TBCK: variants seen among roughly 807,000 people sequenced by gnomAD.
The protein encoded by TBCK is TBC domain-containing protein kinase-like protein.
In TBCK, 99 loss-of-function variants were observed where a neutral mutation model predicts 113.4. That is an observed-to-expected ratio of 0.87 (90% CI 0.74 to 1.03). The LOEUF (loss-of-function observed/expected upper bound fraction) is 1.03, where lower values mean the gene tolerates loss of function less well. TBCK is among the 50% of genes least tolerant of loss of function. The probability of loss-of-function intolerance (pLI) is 0.00; values close to 1 mark genes in which losing one functional copy is unlikely to be tolerated. For synonymous variants in TBCK, 369 were observed against 370.8 expected, an observed-to-expected ratio of 1.00 and a Z score of 0.05; for missense variants, 1,045 against 1,061.3, an observed-to-expected ratio of 0.98 and a Z score of 0.21.
At chr4:106,157,035 C>A (rs1309233361) in intron 23 of TBCK, among the ~76,000 whole-genome samples, 2 of 152,158 alleles carry the variant, frequency 1.3e-5, no homozygotes, top group Non-Finnish European at 2.9e-5. Context: ...TTATTCAGGG[C>A]CCAAGGGCAC....
At chr4:106,085,490 G>A (rs1739393210) in intron 25 of TBCK, among the ~76,000 whole-genome samples, 1 of 152,124 alleles carries the variant, frequency 6.6e-6, no homozygotes. Flanking sequence ...CCTACAAAGA[G>A]ACATAGACTC....
intron 25 of TBCK, among the ~76,000 whole-genome samples, chr4:106,048,668 T>TAACA (rs1200415210): frequency 1.3e-5 from 2 of 152,116 alleles, no homozygotes; most frequent in Non-Finnish European, 2.9e-5. Flanking sequence ...AAGATAAACA[T>TAACA]AACATTACTG....
At chr4:106,156,375 C>T (rs1371145619) in intron 23 of TBCK, among the ~76,000 whole-genome samples, 1 of 152,184 alleles carries the variant, frequency 6.6e-6, no homozygotes, top group Non-Finnish European at 1.5e-5. Context: ...TAACTACTAT[C>T]ATGGCTACTG....
intron 24 of TBCK, among the ~76,000 whole-genome samples, chr4:106,113,715 G>T (rs1054075140): frequency 2.9e-4 from 44 of 152,202 alleles, no homozygotes; most frequent in Admixed American, 3.9e-4. Context: ...AGAGAAGTCA[G>T]AAGACTGAGC....
intron 23 of TBCK, among the ~76,000 whole-genome samples, chr4:106,163,102 C>T (rs1465464756): frequency 6.6e-6 from 1 of 152,086 alleles, no homozygotes; most frequent in Non-Finnish European, 1.5e-5. Flanking sequence ...TTCAAAGTTC[C>T]ACATATTTCC....
chr4:106,087,386 G>T (rs964757390), intron 25 of TBCK, among the ~76,000 whole-genome samples: 5 of 152,106 alleles, frequency 3.3e-5, no homozygotes, highest in African/African-American at 1.2e-4. Context: ...GGATGTGAAT[G>T]CCTCTTTAAG....
intron 20 of TBCK, among the ~76,000 whole-genome samples, chr4:106,196,828 C>A (rs1342826750): frequency 6.6e-6 from 1 of 152,072 alleles, no homozygotes; most frequent in Non-Finnish European, 1.5e-5. Flanking sequence ...ATCAATATTA[C>A]CTTCTCCCTT....
chr4:106,247,321 A>G (rs756478445), intron 9 of TBCK, 34 bp from the exon 10 acceptor site: 2 of 1,598,524 alleles, frequency 1.3e-6, no homozygotes, highest in Admixed American at 3.5e-5. Flanking sequence ...GCATGAATGA[A>G]AGTCATAAAA....
At chr4:106,075,091 C>T (rs916227030) in intron 25 of TBCK, among the ~76,000 whole-genome samples, 2 of 151,988 alleles carry the variant, frequency 1.3e-5, no homozygotes, top group African/African-American at 4.8e-5. Context: ...ACCATGGATA[C>T]ATAATATAAT....
At chr4:106,310,698 C>A (rs1385644731) in intron 1 of TBCK, 1 of 152,114 alleles carries the variant, frequency 6.6e-6, no homozygotes, top group East Asian at 1.9e-4. Flanking sequence ...TAAGCCTGTC[C>A]ATATATGCAA....
chr4:106,058,089 T>C (rs766887821), intron 25 of TBCK, among the ~76,000 whole-genome samples: 20 of 151,804 alleles, frequency 1.3e-4, no homozygotes, highest in Non-Finnish European at 2.7e-4. Context: ...GCCTATCAAA[T>C]ATTTATTGAG....
chr4:106,201,522 A>G (rs1045205495), intron 20 of TBCK, among the ~76,000 whole-genome samples: 3 of 152,096 alleles, frequency 2.0e-5, no homozygotes, highest in Non-Finnish European at 4.4e-5. Context: ...ATTATGTACA[A>G]TTGATTTGGT....
intron 3 of TBCK, among the ~76,000 whole-genome samples, chr4:106,290,030 C>A (rs1765527559): frequency 6.6e-6 from 1 of 152,112 alleles, no homozygotes; most frequent in South Asian, 2.1e-4. Flanking sequence ...AAATTTAACC[C>A]AGGCTCAACT....
chr4:106,136,262 T>C lies in TBCK; in HGVS notation c.2236-19884A>G, dbSNP rs187259816. On this transcript the variant is annotated intron_variant, in intron 23 of 25. Coordinates refer to ENST00000394708, the MANE Select transcript of TBCK (RefSeq NM_001163435.3). ...AAATTAAAACAATAAATAATAAAACTACTCTTCAAGGAGTGAATCACTCCC... is the reference window on the plus strand; with the variant it reads ...AAATTAAAACAATAAATAATAAAACCACTCTTCAAGGAGTGAATCACTCCC... Among the ~76,000 whole-genome samples the C allele has an allele frequency of 3.6e-5, 5 of 140,778 alleles. 1 individual carries two copies. The highest frequency in any genetic ancestry group is 1.3e-4 in the African/African-American group (5 of 39,786). 92.4% of individuals were successfully genotyped at this position (140,778 alleles called of 152,430 possible).
chr4:106,127,421 G>C (rs911623138), intron 23 of TBCK, among the ~76,000 whole-genome samples: 1 of 151,998 alleles, frequency 6.6e-6, no homozygotes, highest in Non-Finnish European at 1.5e-5. Flanking sequence ...CTGAGAGGGA[G>C]AGAAATTACA....
rs528080913 is a variant in TBCK at position 106,215,673 on chromosome 4, A to C, written c.1775-2838T>G. On this transcript the variant is annotated intron_variant, in intron 19 of 25. Transcript: ENST00000394708. ...TTCAACAAGAAGAGCTAACTATCCT[A>C]AATATATATGCACTCAATACAGGAG... is the stretch of plus-strand genomic sequence containing the variant. Among the ~76,000 whole-genome samples the C allele has an allele frequency of 5.0e-3, 765 of 152,250 alleles. 6 individuals carry two copies. The highest frequency in any genetic ancestry group is 0.018 in the African/African-American group (732 of 41,528).
chr4:106,095,722 C>A, intron 24 of TBCK, 81 bp from the exon 25 acceptor site: 1 of 1,287,278 alleles, frequency 7.8e-7, no homozygotes, highest in South Asian at 1.5e-5. Context: ...CTAAGTGACT[C>A]CCAGAAGATA....
At chr4:106,234,002 T>C (rs1048651910) in intron 15 of TBCK, among the ~76,000 whole-genome samples, 3 of 152,244 alleles carry the variant, frequency 2.0e-5, no homozygotes, top group African/African-American at 7.2e-5. Flanking sequence ...TATAATTACA[T>C]GATAGAATCA....
At chr4:106,173,321 A>T (rs920182144) in intron 22 of TBCK, among the ~76,000 whole-genome samples, 1 of 152,188 alleles carries the variant, frequency 6.6e-6, no homozygotes, top group African/African-American at 2.4e-5. Flanking sequence ...AAAAAGAGAT[A>T]GCACAATTCA....
Sources: gnomAD v4.1 joint callset for allele counts (sites outside exome capture counted in the v4.1 genomes callset) on GRCh38, gnomAD v4.1.1 for gene constraint, MANE v1.5 for transcripts, NCBI Gene and HGNC (gene_info 2026-07-23, HGNC 2026-07-21) for gene names.